Variants in CNTN6 observed in about 807,000 individuals in gnomAD.
CNTN6 encodes contactin-6.
In CNTN6, 137 loss-of-function variants were observed where a neutral mutation model predicts 122.8. The observed-to-expected ratio is 1.12, with a 90% CI of 0.97 to 1.29. CNTN6 has a LOEUF of 1.29. Ranked by LOEUF, CNTN6 falls within the 50% of genes most tolerant of loss-of-function variation. CNTN6 has a pLI of 0.00. For missense variants in CNTN6, 1,634 were observed against 1,223.4 expected (o/e 1.34, Z -5.01); for synonymous variants, 570 against 426.0 (o/e 1.34, Z -4.16).
chr3:1,215,978 C>CT (rs1455559041), intron 2 of CNTN6, among the ~76,000 whole-genome samples: 1 of 151,994 alleles, frequency 6.6e-6, no homozygotes, highest in African/African-American at 2.4e-5. Flanking sequence ...CCTAAGATTT[C>CT]TTTTTCAATG....
intron 12 of CNTN6, among the ~76,000 whole-genome samples, chr3:1,361,907 C>A (rs910473992): frequency 6.6e-6 from 1 of 151,936 alleles, no homozygotes; most frequent in Admixed American, 6.6e-5. Context: ...AATTCCTAAG[C>A]AGTATAAATC....
intron 20 of CNTN6, 76 bp downstream of exon 20, chr3:1,385,873 ATTCCCACACCTCATTTCT>A: frequency 7.5e-7 from 1 of 1,334,538 alleles, no homozygotes; most frequent in South Asian, 1.6e-5. Context: ...TGTTCATTTC[ATTCCCACACCTCATTTCT>A]TTACTAATTG....
chr3:1,185,097 GAATT>G (rs776913451), intron 2 of CNTN6, among the ~76,000 whole-genome samples: 15 of 151,964 alleles, frequency 9.9e-5, no homozygotes, highest in Non-Finnish European at 1.9e-4. Context: ...AGTTAGTAAA[GAATT>G]ATTTCTAAAA....
intron 7 of CNTN6, among the ~76,000 whole-genome samples, chr3:1,309,081 C>T (rs1326078488): frequency 6.6e-6 from 1 of 152,096 alleles, no homozygotes; most frequent in African/African-American, 2.4e-5. Flanking sequence ...CAGTCTGTGA[C>T]TTGTCTTTGC....
chr3:1,104,685 T>C (rs1159026874), intron 1 of CNTN6, among the ~76,000 whole-genome samples: 2 of 152,134 alleles, frequency 1.3e-5, no homozygotes, highest in Non-Finnish European at 2.9e-5. Context: ...AGACAAAATA[T>C]GCATAGATTG....
intron 9 of CNTN6, among the ~76,000 whole-genome samples, chr3:1,327,167 TCCAAATTACTATGTATA>T (rs1408672697): frequency 6.6e-6 from 1 of 151,922 alleles, no homozygotes; most frequent in African/African-American, 2.4e-5. Context: ...GGTGGAGTAT[TCCAAATTACTATGTATA>T]CCAAATAACA....
intron 4 of CNTN6, among the ~76,000 whole-genome samples, chr3:1,241,022 TG>T (rs761512943): frequency 1.3e-4 from 19 of 151,444 alleles, no homozygotes; most frequent in East Asian, 7.8e-4. Flanking sequence ...TTCTTAAGGG[TG>T]GGGGAGACTA....
intron 20 of CNTN6, among the ~76,000 whole-genome samples, chr3:1,399,695 C>G (rs1695439040): frequency 6.6e-6 from 1 of 152,028 alleles, no homozygotes; most frequent in Non-Finnish European, 1.5e-5. Context: ...CCACAGGGCC[C>G]TGAACAGTTT....
chr3:1,332,247 A>G (rs919390859), intron 11 of CNTN6, among the ~76,000 whole-genome samples: 2 of 151,954 alleles, frequency 1.3e-5, no homozygotes, highest in African/African-American at 4.8e-5. Context: ...AATTTTCAAA[A>G]GGTCACACAG....
intron 3 of CNTN6, among the ~76,000 whole-genome samples, chr3:1,223,378 C>T (rs1021580146): frequency 6.6e-5 from 10 of 152,160 alleles, no homozygotes; most frequent in Non-Finnish European, 1.0e-4. Context: ...AAATTCCATA[C>T]AGCAAATGAA....
rs1315378959 is a variant in CNTN6 at position 1,322,550 on chromosome 3, T to A, written c.946+716T>A. Among the ~76,000 whole-genome samples, 5 of 151,756 alleles carry A rather than the reference T, an allele frequency of 3.3e-5. No homozygotes were observed. The East Asian group carries it at 9.7e-4, about 29-fold the overall frequency. On this transcript the variant is annotated intron_variant, in intron 8 of 22. Transcript: ENST00000446702. ...TAATGTATCTGTATTAGATAATTTT[T>A]AAAAAGTATTGATATATGGCCAAAA...
chr3:1,219,558 A>G lies in CNTN6; in HGVS notation c.56-1129A>G, dbSNP rs372370775. 4.3e-4 allele frequency among the ~76,000 whole-genome samples: 65 copies of G among 152,310 alleles called. 1 individual carries two copies. In the South Asian group the frequency reaches 0.011, roughly 26 times the overall value. ...TGCCCTTGGCATATAGCTCCTACCA[A>G]TACAGGGAAGAGTCTGTGACTTGCC... On this transcript the variant is annotated intron_variant, in intron 2 of 22. Coordinates refer to ENST00000446702, the MANE Select transcript of CNTN6 (RefSeq NM_001289080.2).
intron 1 of CNTN6, among the ~76,000 whole-genome samples, chr3:1,138,577 G>A (rs1201688900): frequency 6.6e-6 from 1 of 151,850 alleles, no homozygotes; most frequent in South Asian, 2.1e-4. Context: ...AACATTTTCT[G>A]TAGTGTGACC....
At chr3:1,261,941 T>C (rs2094852809) in intron 4 of CNTN6, among the ~76,000 whole-genome samples, 1 of 152,090 alleles carries the variant, frequency 6.6e-6, no homozygotes, top group Admixed American at 6.6e-5. Context: ...TATGAGTAAA[T>C]AGGTTAGTTT....
rs144244835 is a variant in CNTN6, at chr3:1,209,763, A to C, written c.56-10924A>C. On this transcript the variant is annotated intron_variant, in intron 2 of 22. Transcript: ENST00000446702. The stretch of plus-strand genomic sequence containing the variant: ...TGTGAGCCCCAGCACCATCAAAATC[A>C]GTATCTTTATACCTGAATTAGTATT... Among the ~76,000 whole-genome samples the C allele has an allele frequency of 3.8e-3, 574 of 152,164 alleles. 1 individual carries two copies. Among genetic ancestry groups the C allele is most frequent in the African/African-American group, 0.013 (553 of 41,502 alleles).
At chr3:1,173,711 C>T (rs775454394) in intron 2 of CNTN6, among the ~76,000 whole-genome samples, 4 of 151,312 alleles carry the variant, frequency 2.6e-5, no homozygotes, top group East Asian at 1.9e-4. Context: ...TCTTCAATGA[C>T]GTGAAAATTG....
Position 1,328,984 on chromosome 3 carries a change from A to G in CNTN6, c.1214-801A>G, listed in dbSNP as rs187861075. 1.4e-4 allele frequency among the ~76,000 whole-genome samples: 22 copies of G among 151,772 alleles called. No individual in the cohort carries two copies. The East Asian group carries it at 4.3e-3, about 30-fold the overall frequency. ...ATTTCAATAGTATTTTATTGCTAAT[A>G]GCAATAAAATATTTCTGATTTATTT... On this transcript the variant is annotated intron_variant, in intron 10 of 22. Transcript: ENST00000446702.
intron 11 of CNTN6, among the ~76,000 whole-genome samples, 169 bp downstream of exon 11, chr3:1,330,104 G>T (rs1042448099): frequency 7.2e-5 from 11 of 151,876 alleles, no homozygotes; most frequent in African/African-American, 2.7e-4. Context: ...AAAAACAAAA[G>T]GATCTTATAA....
intron 2 of CNTN6, among the ~76,000 whole-genome samples, chr3:1,211,220 T>G (rs975679091): frequency 6.6e-6 from 1 of 152,212 alleles, no homozygotes; most frequent in Non-Finnish European, 1.5e-5. Flanking sequence ...TCAGGTACTT[T>G]ATATCTGGGT....
Sources: allele counts gnomAD v4.1 joint callset (sites outside exome capture counted in the v4.1 genomes callset), GRCh38; gene constraint gnomAD v4.1.1; transcripts MANE v1.5; gene names NCBI Gene and HGNC (gene_info 2026-07-23, HGNC 2026-07-21).